Variants in TMEM235 observed in about 807,000 individuals in gnomAD.
The protein encoded by TMEM235 is transmembrane protein 235.
TMEM235 carries 23 observed loss-of-function variants against 22.9 expected under a neutral mutation model. The observed-to-expected ratio is 1.00, with a 90% CI of 0.72 to 1.42. The LOEUF (loss-of-function observed/expected upper bound fraction) is 1.42, where lower values mean the gene tolerates loss of function less well. TMEM235 is among the 40% of genes most tolerant of loss of function. The pLI, the probability that TMEM235 is intolerant of heterozygous loss-of-function variation, is 0.00. For synonymous variants in TMEM235, 137 were observed against 140.5 expected, an observed-to-expected ratio of 0.98 and a Z score of 0.17; for missense variants, 308 against 299.5, an observed-to-expected ratio of 1.03 and a Z score of -0.21.
At chr17:78,234,687 C>T (rs1411187005) in exon 4 of TMEM235, 19 of 1,536,056 alleles carry the variant, frequency 1.2e-5, no homozygotes, top group Admixed American at 1.2e-4. Context: ...TGGCCCAGAG[C>T]GTGTCTCTGC....
intron 2 of TMEM235, 66 bp from the exon 2 acceptor site, chr17:78,233,829 G>C: frequency 2.7e-6 from 4 of 1,478,280 alleles, no homozygotes; most frequent in Non-Finnish European, 3.6e-6. Context: ...GGTCCCCTGG[G>C]CTCGGGTAGG....
At chr17:78,233,804 C>A in intron 2 of TMEM235, 91 bp from the exon 2 acceptor site, 1 of 1,140,816 alleles carries the variant, frequency 8.8e-7, no homozygotes, top group Non-Finnish European at 1.3e-6. Context: ...CTGGCAGGGC[C>A]CTGTGGTGCC....
At position 78,239,217 on chromosome 17, in the gene TMEM235, C is replaced by G. The variant is rs373500178; in HGVS notation, c.603C>G (p.Thr201=). 50 of 1,543,150 alleles carry G rather than the reference C, an allele frequency of 3.2e-5. No individual in the cohort carries two copies. The South Asian group carries it at 5.6e-4, about 17-fold the overall frequency. ...CCCTCCTGCTCTCAGCTGCCTGGAC[C>G]CTCAGCCTGAGCCCCCCAATCTGTG... Residue 201 remains threonine, a synonymous_variant, in exon 5 of 6, where the codon ACC becomes ACG. Coordinates refer to ENST00000421688, the Ensembl canonical transcript of TMEM235.
chr17:78,232,364 TC>T (rs2076592526), intron 2 of TMEM235, among the ~76,000 whole-genome samples, 151 bp downstream of exon 1: 1 of 151,632 alleles, frequency 6.6e-6, no homozygotes, highest in Non-Finnish European at 1.5e-5. Flanking sequence ...CTCCGCTCCC[TC>T]CCCATCACCC....
exon 6 of TMEM235, chr17:78,240,797 G>T: frequency 6.6e-6 from 1 of 152,394 alleles, no homozygotes; most frequent in Non-Finnish European, 1.5e-5. Flanking sequence ...TCTGGGGGGT[G>T]AGCAGGGCCT....
exon 5 of TMEM235, chr17:78,239,117 A>G (rs1294199109): frequency 6.5e-7 from 1 of 1,543,750 alleles, no homozygotes; most frequent in Admixed American, 2.0e-5. Context: ...CAGCACATGC[A>G]GGGCGTCCGC....
At chr17:78,234,840 C>T (rs2076625836) in intron 4 of TMEM235, 110 bp downstream of exon 3, 10 of 1,419,100 alleles carry the variant, frequency 7.0e-6, no homozygotes, top group Middle Eastern at 4.4e-4. Flanking sequence ...CCCTTCTGGG[C>T]GGGTGCTGAG....
At chr17:78,234,180 C>T (rs2076616530) in intron 3 of TMEM235, 2 of 703,112 alleles carry the variant, frequency 2.8e-6, no homozygotes, top group Non-Finnish European at 2.6e-6. Context: ...TTTCCCCTGT[C>T]TCAGTTTCCC....
chr17:78,238,880 A>T lies in TMEM235; in HGVS notation c.410-144A>T. On this transcript the variant is annotated intron_variant, in intron 4 of 5. Coordinates refer to ENST00000421688, the Ensembl canonical transcript of TMEM235. This position sits in a 1 kb window ranked among gnomAD's most constrained non-coding sequence, Gnocchi z 4.3. The stretch of plus-strand genomic sequence containing the variant: ...GGTTGACAGCCAGGCAGGGCTAACC[A>T]TGACAGGAAGGGCGGTGTGCTGCCT... The T allele has an allele frequency of 1.5e-6, 2 of 1,316,712 alleles. No individual in the cohort carries two copies. Among genetic ancestry groups the T allele is most frequent in the Non-Finnish European group, 2.0e-6 (2 of 987,908 alleles). 81.6% of individuals were successfully genotyped at this position (1,316,712 alleles called of 1,614,324 possible).
At chr17:78,236,278 G>C (rs1011693984) in intron 4 of TMEM235, among the ~76,000 whole-genome samples, 1 of 151,856 alleles carries the variant, frequency 6.6e-6, no homozygotes, top group Admixed American at 6.6e-5. Flanking sequence ...TCTCCTTCCT[G>C]TACTGTCCTG....
chr17:78,232,056 C>T, exon 2 of TMEM235: 1 of 1,344,308 alleles, frequency 7.4e-7, no homozygotes, highest in Non-Finnish European at 9.5e-7. Context: ...TCCTGGCCGC[C>T]GCCCTGGGTG....
At chr17:78,236,184 G>A (rs2076640941) in intron 4 of TMEM235, among the ~76,000 whole-genome samples, 1 of 152,240 alleles carries the variant, frequency 6.6e-6, no homozygotes, top group South Asian at 2.1e-4. Flanking sequence ...CGGGGGGCAT[G>A]AGGGCCTCCA....
rs1238222076 is a variant in TMEM235 at position 78,234,042 on chromosome 17, C to A, written c.271+67C>A. 9 of 1,314,588 alleles carry A rather than the reference C, an allele frequency of 6.8e-6. No individual in the cohort carries two copies. The African/African-American group carries it at 1.0e-4, about 15-fold the overall frequency. The allele number at this position is 1,314,588 out of a possible 1,614,324, so 81.4% of individuals were successfully genotyped here. On this transcript the variant is annotated intron_variant, in intron 3 of 5. Coordinates refer to ENST00000421688, the Ensembl canonical transcript of TMEM235. ...TTCAGGCAAGGCAGATCCCAGCCAT[C>A]CCCATCCCCATCCCGCAGCACTGCT...
chr17:78,235,264 G>A (rs1016890425), intron 4 of TMEM235, among the ~76,000 whole-genome samples: 2 of 152,172 alleles, frequency 1.3e-5, no homozygotes, highest in Non-Finnish European at 2.9e-5. Context: ...TGGGACAGGA[G>A]GAAGAGAGTA....
chr17:78,239,888 C>T, exon 6 of TMEM235: 6 of 1,551,480 alleles, frequency 3.9e-6, no homozygotes, highest in Non-Finnish European at 5.2e-6. Flanking sequence ...TGTCCACTCT[C>T]CCCGAAGGGC....
chr17:78,239,228 GC>G lies in TMEM235; in HGVS notation c.620del (p.Pro207GlnfsTer6). ...TCAGCTGCCTGGACCCTCAGCCTGA[GC>G]CCCCCAATCTGTGGTCATCTGAGTC... On this transcript the variant is annotated frameshift_variant, in exon 5 of 6. Coordinates refer to ENST00000421688, the Ensembl canonical transcript of TMEM235. LOFTEE classifies it low-confidence loss of function (END_TRUNC). The G allele has an allele frequency of 1.3e-6, 2 of 1,542,952 alleles. No homozygotes were observed. Among genetic ancestry groups the G allele is most frequent in the Non-Finnish European group, 8.7e-7 (1 of 1,146,934 alleles).
chr17:78,240,919 A>G (rs973890246), exon 6 of TMEM235: 2 of 152,206 alleles, frequency 1.3e-5, no homozygotes, highest in Non-Finnish European at 2.9e-5. Context: ...TATTTTTCTT[A>G]GAACTTTTCA....
rs78591148 is a variant in TMEM235 at position 78,237,676 on chromosome 17, G to T, written c.410-1348G>T. 3.4e-4 allele frequency among the ~76,000 whole-genome samples: 51 copies of T among 152,066 alleles called. No homozygotes were observed. Among genetic ancestry groups the T allele is most frequent in the African/African-American group, 1.2e-3 (49 of 41,474 alleles). On this transcript the variant is annotated intron_variant, in intron 4 of 5. Coordinates refer to ENST00000421688, the Ensembl canonical transcript of TMEM235. The surrounding 1 kb of genome is among the most constrained non-coding windows in gnomAD (Gnocchi z 4.7). ...CAGGCAGAGACAGGCACCTCCTGCCGCACGGTCAGCCCCCGCTGCTGGGGG... is the reference window on the plus strand; with the variant it reads ...CAGGCAGAGACAGGCACCTCCTGCCTCACGGTCAGCCCCCGCTGCTGGGGG...
At chr17:78,234,766 T>C (rs1199907333) in intron 4 of TMEM235, 36 bp downstream of exon 3, 35 of 1,535,420 alleles carry the variant, frequency 2.3e-5, no homozygotes, top group Admixed American at 9.8e-5. Flanking sequence ...GCTCCAAAGA[T>C]GGGAGCTGGG....
Sources: gnomAD v4.1 joint callset for allele counts (sites outside exome capture counted in the v4.1 genomes callset) on GRCh38, gnomAD v4.1.1 for gene constraint, Gnocchi (gnomAD v3.1) non-coding constraint, MANE v1.5 for transcripts, NCBI Gene and HGNC (gene_info 2026-07-23, HGNC 2026-07-21) for gene names.